IGF2R: variants seen among roughly 807,000 people sequenced by gnomAD.
IGF2R encodes the protein cation-independent mannose-6-phosphate receptor.
In IGF2R, 91 loss-of-function variants were observed where a neutral mutation model predicts 270.6. The observed-to-expected ratio is 0.34, with a 90% CI of 0.28 to 0.40. The LOEUF is 0.40. Among genes scored for constraint, IGF2R ranks in the 10% least tolerant of loss-of-function variants. IGF2R has a pLI of 1.00. For missense variants in IGF2R, 2,805 were observed against 3,188.3 expected (o/e 0.88, Z 2.90); for synonymous variants, 1,316 against 1,258.9 (o/e 1.05, Z -0.96).
At chr6:160,026,216 C>T (rs1162691560) in intron 5 of IGF2R, among the ~76,000 whole-genome samples, 1 of 152,190 alleles carries the variant, frequency 6.6e-6, no homozygotes, top group Non-Finnish European at 1.5e-5. Context: ...ACAGCAGATA[C>T]TATAGGTGGA....
chr6:160,034,833 A>G (rs1291318548), intron 10 of IGF2R, among the ~76,000 whole-genome samples: 1 of 152,214 alleles, frequency 6.6e-6, no homozygotes, highest in Non-Finnish European at 1.5e-5. Flanking sequence ...ACACTAAACT[A>G]CAGCAAGGAC....
chr6:160,040,618 C>G lies in IGF2R; in HGVS notation c.1374C>G (p.Phe458Leu). Residue 458 changes from phenylalanine to leucine, a missense_variant, in exon 11 of 48, where the codon TTC becomes TTG. Phe to Leu is a conservative substitution (Grantham distance 22). Around this residue, in one of 2 missense-constraint regions of IGF2R, gnomAD observed 954 missense variants for 981.1 expected, o/e 0.97. Coordinates refer to ENST00000356956, the MANE Select transcript of IGF2R (RefSeq NM_000876.4). ...GGGAGGTTGACTGCACCTACTTCTT[C>G]ACATGGGACACGGAATACGCCTGTG... ...FTGEVDCTYF[F>L]TWDTEYACVK... The G allele has an allele frequency of 6.2e-7, 1 of 1,614,110 alleles. No individual in the cohort carries two copies. The highest frequency in any genetic ancestry group is 8.5e-7 in the Non-Finnish European group (1 of 1,179,952).
Position 160,105,114 on chromosome 6 carries a change from C to T in IGF2R, c.*30C>T. 1.3e-6 allele frequency: 2 copies of T among 1,485,758 alleles called. No individual in the cohort carries two copies. Among genetic ancestry groups the T allele is most frequent in the Non-Finnish European group, 1.8e-6 (2 of 1,114,240 alleles). The allele number at this position is 1,485,758 out of a possible 1,614,324, so 92.0% of individuals were successfully genotyped here. On this transcript the variant is annotated 3_prime_UTR_variant, in exon 48 of 48. Coordinates refer to ENST00000356956, the MANE Select transcript of IGF2R (RefSeq NM_000876.4). ...GCAGTGCCTGCAGGGGAGCACGGAG[C>T]CGCGGGACAGCCAAGCACCTCCAAC...
chr6:160,103,513 G>C (rs1779539708), intron 46 of IGF2R, among the ~76,000 whole-genome samples: 1 of 152,148 alleles, frequency 6.6e-6, no homozygotes, highest in South Asian at 2.1e-4. Context: ...AGTTGCTCTA[G>C]AGGGCCCTCT....
intron 20 of IGF2R, 30 bp downstream of exon 20, chr6:160,056,555 T>C: frequency 7.0e-7 from 1 of 1,422,310 alleles, no homozygotes; most frequent in East Asian, 2.3e-5. Context: ...GCCCTCGTGC[T>C]GAGCTGCCTG....
intron 3 of IGF2R, among the ~76,000 whole-genome samples, chr6:160,009,453 G>A (rs1418914148): frequency 6.6e-6 from 1 of 151,968 alleles, no homozygotes; most frequent in Non-Finnish European, 1.5e-5. Flanking sequence ...TCTTCTTCTA[G>A]CATTTCATTT....
intron 11 of IGF2R, among the ~76,000 whole-genome samples, chr6:160,041,542 G>A (rs1194257502): frequency 6.6e-6 from 1 of 152,100 alleles, no homozygotes; most frequent in Admixed American, 6.5e-5. Flanking sequence ...AACCACCATG[G>A]CACATGTATA....
intron 19 of IGF2R, among the ~76,000 whole-genome samples, chr6:160,053,095 A>C (rs1180147548): frequency 1.3e-5 from 2 of 152,220 alleles, no homozygotes; most frequent in African/African-American, 4.8e-5. Context: ...ATCTAATTAA[A>C]CTAAAGACCT....
At position 160,073,311 on chromosome 6, in the gene IGF2R, C is replaced by T; in HGVS notation, c.4789C>T (p.Pro1597Ser). ...VLQLVYKDGS[P>S]CPSKSGLSYK... ...GCAGCTGGTGTACAAGGATGGGTCC[C>T]CTTGTCCCTCCAAATCCGGCCTGAG... The change falls in exon 34 of 48, where the codon CCT becomes TCT. Residue 1597 changes from proline (P) to serine (S), a missense_variant. This residue lies in a region of IGF2R where 1,851 missense variants were observed against 2,207.2 expected (regional missense o/e 0.84). Transcript: ENST00000356956. 5 of 1,614,262 alleles carry T rather than the reference C, an allele frequency of 3.1e-6. No homozygotes were observed. Among genetic ancestry groups the T allele is most frequent in the Non-Finnish European group, 4.2e-6 (5 of 1,180,054 alleles).
chr6:159,984,719 A>G (rs1351858369), intron 1 of IGF2R, among the ~76,000 whole-genome samples: 3 of 152,176 alleles, frequency 2.0e-5, no homozygotes, highest in East Asian at 3.8e-4. Context: ...GAATTGCCTC[A>G]TGACACATTT....
intron 2 of IGF2R, among the ~76,000 whole-genome samples, chr6:159,993,098 G>A: frequency 6.6e-6 from 1 of 152,052 alleles, no homozygotes; most frequent in East Asian, 1.9e-4. Flanking sequence ...TTTTAAAGGG[G>A]TTCTTTTTTT....
Position 160,064,873 on chromosome 6 carries a change from C to G in IGF2R, c.4087C>G (p.Pro1363Ala). The G allele has an allele frequency of 6.2e-7, 1 of 1,612,444 alleles. No homozygotes were observed. The highest frequency in any genetic ancestry group is 8.5e-7 in the Non-Finnish European group (1 of 1,178,412). Residue 1363 changes from proline (P) to alanine (A), a missense_variant, in exon 29 of 48, where the codon CCT becomes GCT. By Grantham distance (27) the Pro-to-Ala change is conservative. This residue lies in a region of IGF2R where 1,851 missense variants were observed against 2,207.2 expected (regional missense o/e 0.84). Transcript: ENST00000356956. ...GTGGCGAACGCAGTATGCCTGCCCA[C>G]CTTTCGATCTGACTGAATGTTCATT... is the stretch of plus-strand genomic sequence containing the variant. ...FEWRTQYACP[P>A]FDLTECSFKD...
chr6:160,076,095 T>C (rs1778850059), intron 36 of IGF2R, 99 bp downstream of exon 36: 4 of 1,171,262 alleles, frequency 3.4e-6, no homozygotes, highest in South Asian at 1.3e-5. Flanking sequence ...GATACTCTTA[T>C]TCAAAATGTC....
In IGF2R at chr6:160,107,624, A is replaced by C. The variant is rs1468399867; in HGVS notation, c.*2540A>C. The stretch of plus-strand genomic sequence containing the variant: ...TTGTGCCCCTTTCTTGAGACTGTCC[A>C]TGAATGACAGAGACATAGAATAAGA... On this transcript the variant is annotated 3_prime_UTR_variant, in exon 48 of 48. Coordinates refer to ENST00000356956, the MANE Select transcript of IGF2R (RefSeq NM_000876.4). 6.6e-6 allele frequency: 1 copy of C among 152,202 alleles called. No homozygotes were observed. Among genetic ancestry groups the C allele is most frequent in the South Asian group, 2.1e-4 (1 of 4,828 alleles). The allele number at this position is 152,202 out of a possible 1,614,324, so 9.4% of individuals were successfully genotyped here.
At chr6:160,028,322 C>T (rs928227682) in intron 6 of IGF2R, among the ~76,000 whole-genome samples, 1 of 152,216 alleles carries the variant, frequency 6.6e-6, no homozygotes, top group Non-Finnish European at 1.5e-5. Flanking sequence ...AAGGCCCACT[C>T]ACATGATCTC....
intron 19 of IGF2R, among the ~76,000 whole-genome samples, chr6:160,054,738 T>C (rs1353984540): frequency 6.6e-6 from 1 of 152,352 alleles, no homozygotes; most frequent in African/African-American, 2.4e-5. Context: ...TCATTTCTTA[T>C]TACCTGTAGT....
intron 1 of IGF2R, among the ~76,000 whole-genome samples, chr6:159,985,716 G>A (rs1783871207): frequency 1.3e-5 from 2 of 152,150 alleles, no homozygotes; most frequent in South Asian, 2.1e-4. Context: ...GGATTCAGCC[G>A]GGGAGCACTG....
In IGF2R at chr6:160,073,973, A is replaced by G. The variant is rs1052402154; in HGVS notation, c.5164A>G (p.Ile1722Val). ...CAAAGTTCCTATTGATGGTCCCCCC[A>G]TAGTAAGTATGACAAATCCAAGGGT... ...VCKVPIDGPPIDIGRVAGPPI... is the reference protein window; with the variant it reads ...VCKVPIDGPPVDIGRVAGPPI... The change falls in exon 35 of 48, where the codon ATA becomes GTA. Residue 1722 changes from isoleucine to valine, a missense_variant and splice_region_variant. Around this residue, in one of 2 missense-constraint regions of IGF2R, gnomAD observed 1,851 missense variants for 2,207.2 expected, o/e 0.84. Transcript: ENST00000356956. 2.5e-6 allele frequency: 4 copies of G among 1,607,644 alleles called. No individual in the cohort carries two copies. Among genetic ancestry groups the G allele is most frequent in the African/African-American group, 2.7e-5 (2 of 74,814 alleles).
chr6:159,999,046 T>C (rs1186551545), intron 2 of IGF2R, among the ~76,000 whole-genome samples: 1 of 152,130 alleles, frequency 6.6e-6, no homozygotes, highest in Non-Finnish European at 1.5e-5. Context: ...GTTGAGAGGC[T>C]GAAGAAGGAG....
Sources: gnomAD v4.1 joint callset for allele counts (sites outside exome capture counted in the v4.1 genomes callset) on GRCh38, gnomAD v4.1.1 for gene constraint, gnomAD v4.1.1 regional missense constraint, MANE v1.5 for transcripts, NCBI Gene and HGNC (gene_info 2026-07-23, HGNC 2026-07-21) for gene names.